Variants in SGCZ observed in about 807,000 individuals in gnomAD.
SGCZ encodes the protein zeta-sarcoglycan.
A neutral mutation model predicts 41.3 loss-of-function variants in SGCZ; 40 were observed. The observed-to-expected ratio is 0.97, with a 90% CI of 0.75 to 1.26. SGCZ has a LOEUF of 1.26. Ranked by LOEUF, SGCZ falls within the 50% of genes most tolerant of loss-of-function variation. The pLI is 0.00. For synonymous variants in SGCZ, 206 were observed against 137.5 expected (o/e 1.50, Z -3.49); for missense variants, 552 against 369.8 (o/e 1.49, Z -4.04).
intron 1 of SGCZ, among the ~76,000 whole-genome samples, chr8:15,179,357 A>C (rs969104641): frequency 5.0e-4 from 76 of 152,300 alleles, no homozygotes; most frequent in African/African-American, 1.8e-3. Context: ...GTTAAAGAAA[A>C]AACTGAGAAT....
intron 1 of SGCZ, among the ~76,000 whole-genome samples, chr8:14,929,616 C>T (rs1285950603): frequency 6.6e-6 from 1 of 151,864 alleles, no homozygotes; most frequent in Non-Finnish European, 1.5e-5. Context: ...GGAATATACA[C>T]TCAGCAGATC....
chr8:15,167,368 G>A (rs557551361), intron 1 of SGCZ, among the ~76,000 whole-genome samples: 33 of 152,326 alleles, frequency 2.2e-4, no homozygotes, highest in African/African-American at 7.0e-4. Context: ...CGTAGTCCCT[G>A]TACAGGGTTC....
intron 1 of SGCZ, among the ~76,000 whole-genome samples, chr8:14,795,525 C>A (rs1408232577): frequency 1.3e-5 from 2 of 152,158 alleles, no homozygotes; most frequent in Admixed American, 6.5e-5. Context: ...TTACTGCAGC[C>A]TCCACCTCCT....
intron 2 of SGCZ, among the ~76,000 whole-genome samples, chr8:14,460,352 T>C (rs1417378777): frequency 6.6e-6 from 1 of 152,152 alleles, no homozygotes; most frequent in Non-Finnish European, 1.5e-5. Flanking sequence ...ACCACTGTCC[T>C]AAAACATTCA....
intron 4 of SGCZ, among the ~76,000 whole-genome samples, chr8:14,224,264 T>C (rs1806297235): frequency 6.6e-6 from 1 of 152,182 alleles, no homozygotes. Context: ...ATCCAGAAAT[T>C]CATTTAATAG....
intron 1 of SGCZ, among the ~76,000 whole-genome samples, chr8:14,642,389 TCTATA>T (rs1228742781): frequency 2.6e-5 from 4 of 151,644 alleles, no homozygotes; most frequent in African/African-American, 9.7e-5. Context: ...ATTTTTAATA[TCTATA>T]GACAAATCTC....
chr8:14,215,255 T>C (rs1805954481), intron 4 of SGCZ, among the ~76,000 whole-genome samples: 2 of 152,194 alleles, frequency 1.3e-5, no homozygotes, highest in South Asian at 4.1e-4. Context: ...AATACATTTC[T>C]AAACTATCTA....
At chr8:15,057,360 AGTT>A (rs1804752505) in intron 1 of SGCZ, among the ~76,000 whole-genome samples, 1 of 152,214 alleles carries the variant, frequency 6.6e-6, no homozygotes, top group African/African-American at 2.4e-5. Flanking sequence ...TGACCTTAAA[AGTT>A]GTTGTCATTG....
intron 1 of SGCZ, among the ~76,000 whole-genome samples, chr8:15,056,193 C>G (rs991887551): frequency 6.6e-6 from 1 of 152,180 alleles, no homozygotes; most frequent in Non-Finnish European, 1.5e-5. Flanking sequence ...ATCGCAAGGA[C>G]TCTTTCCTTC....
At chr8:14,845,142 G>A (rs982608996) in intron 1 of SGCZ, among the ~76,000 whole-genome samples, 13 of 152,166 alleles carry the variant, frequency 8.5e-5, no homozygotes, top group Non-Finnish European at 1.9e-4. Flanking sequence ...CTAAATGAAT[G>A]AGATGATGGT....
At chr8:15,080,969 G>A (rs1805726436) in intron 1 of SGCZ, among the ~76,000 whole-genome samples, 1 of 152,040 alleles carries the variant, frequency 6.6e-6, no homozygotes, top group African/African-American at 2.4e-5. Context: ...AAGACACAGG[G>A]AGGAGAAGGC....
chr8:14,640,605 C>CAT (rs1196880679), intron 1 of SGCZ, among the ~76,000 whole-genome samples: 1 of 136,920 alleles, frequency 7.3e-6, no homozygotes, highest in Non-Finnish European at 1.5e-5. Flanking sequence ...CAAAACACCA[C>CAT]ACATATATAT....
At chr8:14,566,954 GC>G (rs1285907244) in intron 1 of SGCZ, among the ~76,000 whole-genome samples, 3 of 152,196 alleles carry the variant, frequency 2.0e-5, no homozygotes, top group Admixed American at 6.5e-5. Flanking sequence ...GGCCCCACCG[GC>G]CCCGGGCAGT....
chr8:14,875,882 AGTT>A (rs1353284249), intron 1 of SGCZ, among the ~76,000 whole-genome samples: 1 of 152,196 alleles, frequency 6.6e-6, no homozygotes, highest in Non-Finnish European at 1.5e-5. Flanking sequence ...CCTAATCCAA[AGTT>A]GTCTCTGAAG....
At chr8:14,378,780 T>C (rs1332935685) in intron 2 of SGCZ, among the ~76,000 whole-genome samples, 4 of 152,076 alleles carry the variant, frequency 2.6e-5, no homozygotes, top group Non-Finnish European at 2.9e-5. Context: ...ATTAAATTAA[T>C]TGTAAGATGC....
chr8:14,226,658 G>A (rs1277101781), intron 4 of SGCZ, among the ~76,000 whole-genome samples: 3 of 152,134 alleles, frequency 2.0e-5, no homozygotes, highest in Admixed American at 6.6e-5. Context: ...TAGAGCTGCT[G>A]TGAATATCTA....
intron 1 of SGCZ, among the ~76,000 whole-genome samples, chr8:14,702,803 A>T (rs1809187932): frequency 7.1e-6 from 1 of 140,150 alleles, no homozygotes; most frequent in Non-Finnish European, 1.6e-5. Context: ...GCAGACAGGT[A>T]GGTAGTTAGG....
intron 1 of SGCZ, among the ~76,000 whole-genome samples, chr8:14,975,809 A>ATATATGTGTGTGTG (rs1181919961): frequency 7.6e-6 from 1 of 131,920 alleles, no homozygotes; most frequent in African/African-American, 3.4e-5. Context: ...ATATATATAT[A>ATATATGTGTGTGTG]TGTGTGTGTG....
chr8:14,988,386 T>C (rs1354764988), intron 1 of SGCZ, among the ~76,000 whole-genome samples: 2 of 152,008 alleles, frequency 1.3e-5, no homozygotes, highest in African/African-American at 4.8e-5. Flanking sequence ...TCAATGGAGA[T>C]TACATAAAAC....
Sources: gnomAD v4.1 joint callset for allele counts (sites outside exome capture counted in the v4.1 genomes callset) on GRCh38, gnomAD v4.1.1 for gene constraint, MANE v1.5 for transcripts, NCBI Gene and HGNC (gene_info 2026-07-23, HGNC 2026-07-21) for gene names.